C11orf16: variants seen among roughly 807,000 people sequenced by gnomAD.
The protein encoded by C11orf16 is uncharacterized protein C11orf16.
In C11orf16, 38 loss-of-function variants were observed where a neutral mutation model predicts 45.1. The observed-to-expected ratio is 0.84, with a 90% CI of 0.65 to 1.10. C11orf16 has a LOEUF of 1.10. C11orf16 is among the 50% of genes least tolerant of loss of function. The probability of loss-of-function intolerance (pLI) is 0.00; values close to 1 mark genes in which losing one functional copy is unlikely to be tolerated. For missense variants in C11orf16, 583 were observed against 569.5 expected (o/e 1.02, Z -0.24); for synonymous variants, 221 against 222.0 (o/e 1.00, Z 0.04).
intron 2 of C11orf16, among the ~76,000 whole-genome samples, chr11:8,931,716 G>C (rs1414878014): frequency 6.6e-6 from 1 of 152,088 alleles, no homozygotes; most frequent in Non-Finnish European, 1.5e-5. Context: ...TTAGTAGATG[G>C]GGTTTTGCCA....
intron 5 of C11orf16, among the ~76,000 whole-genome samples, 192 bp downstream of exon 5, chr11:8,925,271 C>T (rs1265501758): frequency 6.6e-6 from 1 of 152,246 alleles, no homozygotes; most frequent in Admixed American, 6.5e-5. Context: ...TCCTTTGGGC[C>T]TCATAGCTGA....
At chr11:8,922,541 A>G (rs910639232) in intron 5 of C11orf16, among the ~76,000 whole-genome samples, 32 of 152,368 alleles carry the variant, frequency 2.1e-4, no homozygotes, top group Admixed American at 1.8e-3. Context: ...CCAGCAGCTC[A>G]CAATCTGGCC....
At position 8,921,395 on chromosome 11, in the gene C11orf16, C is replaced by T. The variant is rs2653601; in HGVS notation, c.1325G>A (p.Arg442Gln). The change falls in exon 6 of 7, where the codon CGG becomes CAG. Residue 442 changes from arginine to glutamine, a missense_variant. Physicochemically the swap from Arg to Gln is conservative, Grantham distance 43. Coordinates refer to ENST00000326053, the MANE Select transcript of C11orf16 (RefSeq NM_020643.3). ...VSKATHMKPP[R>Q]TPPGEAEHRK... ...GTGTTCAGCTTCCCCTGGCGGGGTC[C>T]GCGGTGGCTTCATGTGGGTTGCTTT... 541,944 of 1,613,814 alleles carry T rather than the reference C, an allele frequency of 0.34. 94,896 individuals are homozygous for T. The highest frequency in any genetic ancestry group is 0.44 in the South Asian group (39,990 of 91,068).
At chr11:8,921,679 T>G (rs745542381) in intron 5 of C11orf16, among the ~76,000 whole-genome samples, 164 bp from the exon 6 acceptor site, 5 of 152,190 alleles carry the variant, frequency 3.3e-5, no homozygotes, top group Non-Finnish European at 7.3e-5. Flanking sequence ...CAGGCTGGAA[T>G]GCAGTGGCAT....
Position 8,925,469 on chromosome 11 carries a change from T to C in C11orf16, c.1198A>G (p.Lys400Glu). 6.2e-7 allele frequency: 1 copy of C among 1,611,348 alleles called. No homozygotes were observed. Among genetic ancestry groups the C allele is most frequent in the Non-Finnish European group, 8.5e-7 (1 of 1,178,066 alleles). Residue 400 changes from lysine (K) to glutamate (E), a missense_variant, in exon 5 of 7, where the codon AAG (lysine) becomes GAG (glutamate). Transcript: ENST00000326053. ...KRNGPEPCLG[K>E]PGTRYSNICK... is the part of the protein sequence containing the mutation. ...GCCCACTCCCCTGGTATACCTGGCTTCCCAAGGCATGGCTCAGGCCCGTTT... is the reference window on the plus strand; with the variant it reads ...GCCCACTCCCCTGGTATACCTGGCTCCCCAAGGCATGGCTCAGGCCCGTTT...
chr11:8,927,103 C>T lies in C11orf16; in HGVS notation c.396G>A (p.Gln132=), dbSNP rs368936893. ...CCTCTTCTAAGACCACTCTCTGCTG[C>T]TGGGCTGGCAGCTTTGGGCCTGCGA... ...PLVAGPKLPA[Q]QQRVVLEEDV... Residue 132 remains glutamine (Q), a synonymous_variant, in exon 4 of 7, where the codon CAG becomes CAA. Coordinates refer to ENST00000326053, the MANE Select transcript of C11orf16 (RefSeq NM_020643.3). 102 of 1,614,058 alleles carry T rather than the reference C, an allele frequency of 6.3e-5. No homozygotes were observed. The highest frequency in any genetic ancestry group is 8.4e-5 in the Non-Finnish European group (99 of 1,180,042).
At chr11:8,922,804 A>G (rs1008823937) in intron 5 of C11orf16, among the ~76,000 whole-genome samples, 1 of 152,216 alleles carries the variant, frequency 6.6e-6, no homozygotes, top group South Asian at 2.1e-4. Flanking sequence ...AGGGGAGAAA[A>G]GCAAAGCTCT....
chr11:8,929,439 C>A lies in C11orf16; in HGVS notation c.262G>T (p.Val88Phe). The A allele has an allele frequency of 6.2e-7, 1 of 1,614,154 alleles. No individual in the cohort carries two copies. Among genetic ancestry groups the A allele is most frequent in the Non-Finnish European group, 8.5e-7 (1 of 1,180,026 alleles). Reference sequence around the variant, plus strand: ...CCATCTGCTTCCCTTCTTGCTAGGACCCATGTGTTGGCAGCATCTCCAGCT... The same window carrying A: ...CCATCTGCTTCCCTTCTTGCTAGGAACCATGTGTTGGCAGCATCTCCAGCT... ...GRAGDAANTW[V>F]LARREADGFY... Residue 88 changes from valine (V) to phenylalanine (F), a missense_variant, in exon 3 of 7, where the codon GTC becomes TTC. By Grantham distance (50) the Val-to-Phe change is conservative (BLOSUM62 -1). Transcript: ENST00000326053.
At position 8,932,168 on chromosome 11, in the gene C11orf16, C is replaced by T. The variant is rs1162671937; in HGVS notation, c.141G>A (p.Trp47Ter). ...FTYPFALQAP[W>*]LTGHKPLARH... Reference sequence around the variant, plus strand: ...TTGCAAGGGGCTTGTGCCCGGTGAGCCAGGGTGCTTGGAGGGCAAAGGGGT... The same window carrying T: ...TTGCAAGGGGCTTGTGCCCGGTGAGTCAGGGTGCTTGGAGGGCAAAGGGGT... Residue 47 changes from tryptophan to a stop codon, truncating the protein, a stop_gained, in exon 2 of 7, where the codon TGG becomes TGA. Transcript: ENST00000326053. LOFTEE classifies it high-confidence loss of function. 7 of 1,586,846 alleles carry T rather than the reference C, an allele frequency of 4.4e-6. No individual in the cohort carries two copies. Among genetic ancestry groups the T allele is most frequent in the Non-Finnish European group, 6.0e-6 (7 of 1,167,196 alleles).
intron 6 of C11orf16, 63 bp from the exon 7 acceptor site, chr11:8,920,513 C>T (rs2064563712): frequency 4.8e-6 from 3 of 626,024 alleles, no homozygotes; most frequent in South Asian, 1.9e-5. Flanking sequence ...AATCAAAAGT[C>T]ACTGATTTTA....
At position 8,929,434 on chromosome 11, in the gene C11orf16, T is replaced by C. The variant is rs776774086; in HGVS notation, c.267A>G (p.Leu89=). 1.1e-4 allele frequency: 180 copies of C among 1,614,060 alleles called. 1 individual carries two copies. The highest frequency in any genetic ancestry group is 1.7e-4 in the Admixed American group (10 of 60,002). ...RAGDAANTWV[L]ARREADGFYY... Reference sequence around the variant, plus strand: ...AAAAACCATCTGCTTCCCTTCTTGCTAGGACCCATGTGTTGGCAGCATCTC... The same window carrying C: ...AAAAACCATCTGCTTCCCTTCTTGCCAGGACCCATGTGTTGGCAGCATCTC... The change falls in exon 3 of 7, where the codon CTA becomes CTG. Residue 89 remains leucine (L), a synonymous_variant. Transcript: ENST00000326053.
intron 5 of C11orf16, among the ~76,000 whole-genome samples, chr11:8,924,975 C>G (rs995929579): frequency 1.3e-5 from 2 of 152,176 alleles, no homozygotes; most frequent in African/African-American, 2.4e-5. Flanking sequence ...AAGCACATCG[C>G]AGTGCCCGGG....
intron 5 of C11orf16, 24 bp from the exon 6 acceptor site, chr11:8,921,539 A>C (rs556052104): frequency 1.2e-6 from 2 of 1,605,438 alleles, no homozygotes; most frequent in East Asian, 2.2e-5. Flanking sequence ...TCAATTACTT[A>C]GGTTGAATAT....
intron 5 of C11orf16, among the ~76,000 whole-genome samples, chr11:8,923,049 C>T (rs1381906128): frequency 6.6e-6 from 1 of 152,216 alleles, no homozygotes; most frequent in African/African-American, 2.4e-5. Context: ...GGCCAAGTAC[C>T]TGAAGATACT....
intron 2 of C11orf16, among the ~76,000 whole-genome samples, chr11:8,929,743 C>CT (rs2064638329): frequency 6.6e-6 from 1 of 152,172 alleles, no homozygotes; most frequent in Non-Finnish European, 1.5e-5. Context: ...GGGAACCATC[C>CT]TTGGTGGATT....
At position 8,929,571 on chromosome 11, in the gene C11orf16, A is replaced by T. The variant is rs767623159; in HGVS notation, c.168-38T>A. 1.9e-6 allele frequency: 3 copies of T among 1,575,570 alleles called. No individual in the cohort carries two copies. The East Asian group carries it at 6.8e-5, about 36-fold the overall frequency. ...AAATGGAATTAGTGGATAGAGAGCA[A>T]CAAGCCCTAAACACATCAAGAAACA... On this transcript the variant is annotated intron_variant, in intron 2 of 6. Coordinates refer to ENST00000326053, the MANE Select transcript of C11orf16 (RefSeq NM_020643.3).
chr11:8,923,599 A>G (rs868209280), intron 5 of C11orf16, among the ~76,000 whole-genome samples: 4 of 152,172 alleles, frequency 2.6e-5, no homozygotes, highest in Non-Finnish European at 4.4e-5. Context: ...CGAATGGAGA[A>G]AGAAACCGGC....
At chr11:8,928,356 A>G (rs1296002088) in intron 3 of C11orf16, among the ~76,000 whole-genome samples, 3 of 152,094 alleles carry the variant, frequency 2.0e-5, no homozygotes, top group African/African-American at 7.2e-5. Flanking sequence ...AGTACAGGCC[A>G]GGCCTGGCCC....
chr11:8,921,040 A>G (rs1320230952), intron 6 of C11orf16, among the ~76,000 whole-genome samples: 1 of 152,156 alleles, frequency 6.6e-6, no homozygotes, highest in African/African-American at 2.4e-5. Flanking sequence ...AGAGGGCCTA[A>G]TAAAGCAGAC....
Sources: allele counts gnomAD v4.1 joint callset (sites outside exome capture counted in the v4.1 genomes callset), GRCh38; gene constraint gnomAD v4.1.1; transcripts MANE v1.5; gene names NCBI Gene and HGNC (gene_info 2026-07-23, HGNC 2026-07-21).